PTPRE: variants seen among roughly 807,000 people sequenced by gnomAD.
PTPRE encodes receptor-type tyrosine-protein phosphatase epsilon.
A neutral mutation model predicts 102.0 loss-of-function variants in PTPRE; 51 were observed. That is an observed-to-expected ratio of 0.50 (90% CI 0.40 to 0.63). The LOEUF (loss-of-function observed/expected upper bound fraction) is 0.63. Among genes scored for constraint, PTPRE ranks in the 30% least tolerant of loss-of-function variants. The pLI, the probability that PTPRE is intolerant of heterozygous loss-of-function variation, is 0.00. For missense variants in PTPRE, 752 were observed against 915.1 expected, an observed-to-expected ratio of 0.82 and a Z score of 2.30; for synonymous variants, 345 against 348.2, an observed-to-expected ratio of 0.99 and a Z score of 0.10.
chr10:127,912,549 T>C (rs967710233), intron 1 of PTPRE, among the ~76,000 whole-genome samples: 7 of 152,160 alleles, frequency 4.6e-5, no homozygotes, highest in African/African-American at 1.4e-4. Flanking sequence ...TTCTTAGTTA[T>C]GTGCTAAAAA....
chr10:128,019,477 C>T (rs1214449722), intron 2 of PTPRE, among the ~76,000 whole-genome samples: 1 of 152,210 alleles, frequency 6.6e-6, no homozygotes, highest in Non-Finnish European at 1.5e-5. Context: ...CAGGACCGGA[C>T]ATGGCTCTAG....
At chr10:127,963,697 C>T (rs568520828) in intron 1 of PTPRE, among the ~76,000 whole-genome samples, 2 of 152,020 alleles carry the variant, frequency 1.3e-5, no homozygotes, top group South Asian at 2.1e-4. Flanking sequence ...TGCATGCATG[C>T]GTGCGTGCAC....
chr10:127,947,115 A>G lies in PTPRE; in HGVS notation c.-30-35159A>G, dbSNP rs1214627882. On this transcript the variant is annotated intron_variant, in intron 1 of 20. Coordinates refer to ENST00000254667, the MANE Select transcript of PTPRE (RefSeq NM_006504.6). The stretch of plus-strand genomic sequence containing the variant: ...CACAGAGAAGGGTTTACGCCATGGG[A>G]CAGCCACGAAAATGTGATAGCACTT... Among the ~76,000 whole-genome samples the G allele has an allele frequency of 2.6e-5, 4 of 152,036 alleles. No homozygotes were observed. In the East Asian group the frequency reaches 5.8e-4, roughly 22 times the overall value.
chr10:128,053,154 G>T (rs1308963082), intron 6 of PTPRE, among the ~76,000 whole-genome samples: 3 of 152,172 alleles, frequency 2.0e-5, no homozygotes, highest in Non-Finnish European at 4.4e-5. Context: ...AGGAGGCTGA[G>T]GTGGGAGAAT....
At chr10:127,917,651 C>G (rs143418248) in intron 1 of PTPRE, among the ~76,000 whole-genome samples, 1 of 152,016 alleles carries the variant, frequency 6.6e-6, no homozygotes, top group African/African-American at 2.4e-5. Flanking sequence ...GGTGACAGAG[C>G]GAGAACCTGT....
At chr10:127,991,019 C>T (rs1402176205) in intron 2 of PTPRE, among the ~76,000 whole-genome samples, 9 of 152,148 alleles carry the variant, frequency 5.9e-5, no homozygotes, top group East Asian at 1.9e-4. Context: ...CCGGGGGCCG[C>T]GTGATGGTTT....
chr10:128,014,444 G>A (rs1034885568), intron 2 of PTPRE, among the ~76,000 whole-genome samples: 1 of 152,072 alleles, frequency 6.6e-6, no homozygotes, highest in Non-Finnish European at 1.5e-5. Context: ...GTATCGAGGG[G>A]GACATTGACA....
rs555240696 is a variant in PTPRE, at chr10:128,039,249, G to T, written c.-7-1626G>T. 5.4e-4 allele frequency among the ~76,000 whole-genome samples: 83 copies of T among 152,316 alleles called. 1 individual carries two copies. Among genetic ancestry groups the T allele is most frequent in the African/African-American group, 1.9e-3 (80 of 41,564 alleles). ...GAAGGGCCAGGGCAGCATGCAGCGG[G>T]GGTGAGGGCTTCTGTCTCCAGGGTT... On this transcript the variant is annotated intron_variant, in intron 2 of 20. Transcript: ENST00000254667.
chr10:127,944,469 C>CAGAT lies in PTPRE; in HGVS notation c.-31+37160_-31+37161insAGAT, dbSNP rs1564816409. 3.9e-5 allele frequency among the ~76,000 whole-genome samples: 1 copy of CAGAT among 25,928 alleles called. No homozygotes were observed. Among genetic ancestry groups the CAGAT allele is most frequent in the African/African-American group, 1.8e-4 (1 of 5,670 alleles). The allele number at this position is 25,928 out of a possible 152,430, so 17.0% of individuals were successfully genotyped here. A position where few individuals can be genotyped will look rare whatever the true frequency, so the allele number is the denominator to read the frequency against. On this transcript the variant is annotated intron_variant, in intron 1 of 20. Coordinates refer to ENST00000254667, the MANE Select transcript of PTPRE (RefSeq NM_006504.6). This position sits in a 1 kb window ranked among gnomAD's most constrained non-coding sequence, Gnocchi z 4.2. ...ACAGATGGATGGATACATGGACAGA[C>CAGAT]GGATGGATGGATGGATGGATGGATG...
At chr10:128,069,626 CGGGGCCTT>C in intron 12 of PTPRE, 58 bp from the exon 13 acceptor site, 2 of 1,595,012 alleles carry the variant, frequency 1.3e-6, no homozygotes, top group Non-Finnish European at 1.7e-6. Context: ...CAGGCCCCTT[CGGGGCCTT>C]TCATTTACTT....
chr10:128,071,426 G>A (rs1343315920), intron 15 of PTPRE: 1 of 160,752 alleles, frequency 6.2e-6, no homozygotes, highest in Non-Finnish European at 1.4e-5. Flanking sequence ...CAGGTCATGG[G>A]AGAGGGAAGG....
intron 6 of PTPRE, 145 bp from the exon 7 acceptor site, chr10:128,055,978 G>A: frequency 1.5e-6 from 1 of 646,664 alleles, no homozygotes; most frequent in Non-Finnish European, 2.7e-6. Flanking sequence ...CATGCCTGGT[G>A]CAAGGTCTGA....
At chr10:127,924,854 G>C (rs1019379518) in intron 1 of PTPRE, among the ~76,000 whole-genome samples, 4 of 152,154 alleles carry the variant, frequency 2.6e-5, no homozygotes, top group African/African-American at 9.7e-5. Flanking sequence ...TCTAGAAAGC[G>C]GACATTGTAA....
rs138208978 is a variant in PTPRE, at chr10:128,053,175, C to T, written c.421-2948C>T. Reference sequence around the variant, plus strand: ...CTGAGGTGGGAGAATCACTTGAACCCGGGAGGCAGAGGTTGCAGTGAGTCG... The same window carrying T: ...CTGAGGTGGGAGAATCACTTGAACCTGGGAGGCAGAGGTTGCAGTGAGTCG... On this transcript the variant is annotated intron_variant, in intron 6 of 20. Coordinates refer to ENST00000254667, the MANE Select transcript of PTPRE (RefSeq NM_006504.6). Among the ~76,000 whole-genome samples the T allele has an allele frequency of 3.0e-4, 46 of 152,232 alleles. No homozygotes were observed. In the East Asian group the frequency reaches 8.1e-3, roughly 27 times the overall value.
Position 128,061,027 on chromosome 10 carries a change from G to A in PTPRE, c.588+12G>A. Reference sequence around the variant, plus strand: ...CTTCCTACATAGATGTAAGTGGGCAGAGGTTTCTTGTTCCCCTGGCCCAGC... The same window carrying A: ...CTTCCTACATAGATGTAAGTGGGCAAAGGTTTCTTGTTCCCCTGGCCCAGC... On this transcript the variant is annotated intron_variant, in intron 8 of 20. Transcript: ENST00000254667. The A allele has an allele frequency of 6.2e-7, 1 of 1,613,250 alleles. No homozygotes were observed. The highest frequency in any genetic ancestry group is 8.5e-7 in the Non-Finnish European group (1 of 1,179,242).
chr10:128,076,737 G>A lies in PTPRE; in HGVS notation c.1725+9G>A, dbSNP rs1185057590. On this transcript the variant is annotated intron_variant, in intron 18 of 20. Transcript: ENST00000254667. ...TGGTCACTCTCAATCAGGTATTGTT[G>A]AAGTAGCTCTTTAAACGCTTGTGAA... The A allele has an allele frequency of 6.2e-7, 1 of 1,610,828 alleles. No homozygotes were observed. The highest frequency in any genetic ancestry group is 8.5e-7 in the Non-Finnish European group (1 of 1,179,176).
chr10:128,082,815 C>T lies in PTPRE; in HGVS notation c.2029-17C>T. 9 of 1,547,594 alleles carry T rather than the reference C, an allele frequency of 5.8e-6. No homozygotes were observed. The highest frequency in any genetic ancestry group is 7.8e-6 in the Non-Finnish European group (9 of 1,159,032). On this transcript the variant is annotated splice_polypyrimidine_tract_variant and intron_variant, in intron 20 of 20. Transcript: ENST00000254667. Reference sequence around the variant, plus strand: ...TTTGGGAATATCATTTTAATGTGTCCTTGTTTGTCTTTTCAGGAACAGTAT... The same window carrying T: ...TTTGGGAATATCATTTTAATGTGTCTTTGTTTGTCTTTTCAGGAACAGTAT...
chr10:128,040,263 C>A (rs1321404623), intron 2 of PTPRE, among the ~76,000 whole-genome samples: 1 of 152,112 alleles, frequency 6.6e-6, no homozygotes, highest in South Asian at 2.1e-4. Context: ...GGAGCTAGAC[C>A]GAGTGTGCTG....
intron 1 of PTPRE, among the ~76,000 whole-genome samples, chr10:127,917,308 G>T (rs150457160): frequency 6.6e-6 from 1 of 152,012 alleles, no homozygotes; most frequent in South Asian, 2.1e-4. Context: ...CCAAAGGGAA[G>T]CGAAGAGAGT....
Sources: gnomAD v4.1 joint callset for allele counts (sites outside exome capture counted in the v4.1 genomes callset) on GRCh38, gnomAD v4.1.1 for gene constraint, Gnocchi (gnomAD v3.1) non-coding constraint, MANE v1.5 for transcripts, NCBI Gene and HGNC (gene_info 2026-07-23, HGNC 2026-07-21) for gene names.